Variants in MED27 observed in about 807,000 individuals in gnomAD.
The protein encoded by MED27 is mediator complex subunit 27.
MED27 carries 30 observed loss-of-function variants against 38.2 expected under a neutral mutation model. The observed-to-expected ratio is 0.79, with a 90% CI of 0.59 to 1.07. The LOEUF is 1.07. MED27 is among the 50% of genes least tolerant of loss of function. The pLI, the probability that MED27 is intolerant of heterozygous loss-of-function variation, is 0.00. For synonymous variants in MED27, 122 were observed against 153.5 expected (o/e 0.79, Z 1.52); for missense variants, 289 against 397.5 (o/e 0.73, Z 2.32).
rs545015724 is a variant in MED27, at chr9:132,050,349, A to G, written c.348+27093T>C. Among the ~76,000 whole-genome samples the G allele has an allele frequency of 2.4e-3, 358 of 152,280 alleles. 1 individual carries two copies. Among genetic ancestry groups the G allele is most frequent in the Non-Finnish European group, 4.2e-3 (286 of 68,016 alleles). ...CAACGTGCAGGGCCTCAGATGGGAG[A>G]TGAGGGGCGGTCCAGGTGCCGGGCT... On this transcript the variant is annotated intron_variant, in intron 2 of 7. Coordinates refer to ENST00000292035, the MANE Select transcript of MED27 (RefSeq NM_004269.4).
intron 4 of MED27, among the ~76,000 whole-genome samples, chr9:131,909,571 G>C (rs1830150845): frequency 6.6e-6 from 1 of 152,252 alleles, no homozygotes; most frequent in South Asian, 2.1e-4. Context: ...TGCCACAGCA[G>C]CACTGGCTTT....
Position 131,925,209 on chromosome 9 carries a change from A to T in MED27, c.573+14172T>A, listed in dbSNP as rs376417378. Among the ~76,000 whole-genome samples, 13 of 152,346 alleles carry T rather than the reference A, an allele frequency of 8.5e-5. No individual in the cohort carries two copies. In the South Asian group the frequency reaches 2.7e-3, roughly 32 times the overall value. ...CGGGTACTATGGAATACGAACAAGA[A>T]TGTTCTGAGCAGGACTGTTTATTTG... On this transcript the variant is annotated intron_variant, in intron 4 of 7. Coordinates refer to ENST00000292035, the MANE Select transcript of MED27 (RefSeq NM_004269.4).
chr9:131,911,320 ATGCTGG>A (rs1830183395), intron 4 of MED27, among the ~76,000 whole-genome samples: 1 of 152,202 alleles, frequency 6.6e-6, no homozygotes, highest in Admixed American at 6.5e-5. Context: ...CATTATCAGA[ATGCTGG>A]TGCTTCAGAT....
intron 4 of MED27, among the ~76,000 whole-genome samples, chr9:131,905,554 C>T (rs190577998): frequency 4.7e-4 from 71 of 152,146 alleles, no homozygotes; most frequent in African/African-American, 1.7e-3. Flanking sequence ...CTTCCAGGAC[C>T]AGGTACGGTG....
At position 132,073,866 on chromosome 9, in the gene MED27, C is replaced by T. The variant is rs188922617; in HGVS notation, c.348+3576G>A. 2,629 of 1,270,028 alleles carry T rather than the reference C, an allele frequency of 2.1e-3. 6 individuals are homozygous for T. The highest frequency in any genetic ancestry group is 2.3e-3 in the Non-Finnish European group (2,300 of 984,294). The allele number at this position is 1,270,028 out of a possible 1,614,324, so 78.7% of individuals were successfully genotyped here. On this transcript the variant is annotated intron_variant, in intron 2 of 7. Coordinates refer to ENST00000292035, the MANE Select transcript of MED27 (RefSeq NM_004269.4). ...GGGGTCTTTGCAGCTTCAGATGTTG[C>T]CAGGGAAAGGCGGACGTCTTAGTCT...
intron 2 of MED27, among the ~76,000 whole-genome samples, chr9:132,024,447 C>T (rs138536076): frequency 2.0e-3 from 297 of 152,264 alleles, no homozygotes; most frequent in Non-Finnish European, 3.4e-3. Flanking sequence ...AAGTGCCATA[C>T]CTAGAAATTC....
At chr9:131,991,964 GC>G (rs1159978253) in intron 3 of MED27, among the ~76,000 whole-genome samples, 2 of 152,048 alleles carry the variant, frequency 1.3e-5, no homozygotes, top group African/African-American at 4.8e-5. Context: ...CTCGTGATCT[GC>G]CTGCCTCAGC....
chr9:131,960,448 G>A (rs975850141), intron 3 of MED27, among the ~76,000 whole-genome samples: 1 of 152,198 alleles, frequency 6.6e-6, no homozygotes, highest in Non-Finnish European at 1.5e-5. Context: ...AGTGGGTACA[G>A]TTCAAGAGCT....
At chr9:131,958,181 C>T (rs4072764) in intron 3 of MED27, among the ~76,000 whole-genome samples, 85,011 of 151,624 alleles carry the variant, frequency 0.56, 24,725 homozygotes, top group African/African-American at 0.72. Context: ...AAAACATGCT[C>T]GGAACATGCA....
chr9:131,866,352 A>T (rs1000134799), intron 6 of MED27, among the ~76,000 whole-genome samples: 7 of 152,202 alleles, frequency 4.6e-5, no homozygotes, highest in African/African-American at 1.7e-4. Context: ...AATTACAGGA[A>T]CATCTCAAGT....
intron 6 of MED27, among the ~76,000 whole-genome samples, chr9:131,866,927 T>G (rs1050217436): frequency 2.0e-5 from 3 of 152,112 alleles, no homozygotes; most frequent in African/African-American, 7.2e-5. Context: ...CCCATCTCTG[T>G]CCTCCCTGAG....
At chr9:131,864,584 G>A (rs559937475) in intron 6 of MED27, among the ~76,000 whole-genome samples, 1 of 152,314 alleles carries the variant, frequency 6.6e-6, no homozygotes, top group South Asian at 2.1e-4. Flanking sequence ...TTGTGTAGAC[G>A]TGTTCATTTT....
chr9:132,052,538 A>G (rs916087737), intron 2 of MED27, among the ~76,000 whole-genome samples: 3 of 151,268 alleles, frequency 2.0e-5, no homozygotes, highest in Non-Finnish European at 2.9e-5. Context: ...CCACATTCCA[A>G]GTCAGCTGAA....
At chr9:131,963,818 A>AT (rs1166954185) in intron 3 of MED27, among the ~76,000 whole-genome samples, 2 of 152,180 alleles carry the variant, frequency 1.3e-5, no homozygotes, top group African/African-American at 4.8e-5. Flanking sequence ...TGTGCGCTGC[A>AT]TGTTTCCAAA....
chr9:131,885,718 C>G (rs946864499), intron 5 of MED27, among the ~76,000 whole-genome samples: 1 of 152,184 alleles, frequency 6.6e-6, no homozygotes, highest in Non-Finnish European at 1.5e-5. Flanking sequence ...TCTGTTTCAA[C>G]AAATCAATGC....
chr9:131,921,259 ACT>A (rs1162614503), intron 4 of MED27, among the ~76,000 whole-genome samples: 6 of 152,068 alleles, frequency 3.9e-5, no homozygotes, highest in Admixed American at 3.3e-4. Flanking sequence ...TCACATCTGC[ACT>A]CTCTCTGCAC....
intron 4 of MED27, among the ~76,000 whole-genome samples, chr9:131,915,963 C>G (rs1018414983): frequency 6.6e-6 from 1 of 152,210 alleles, no homozygotes; most frequent in African/African-American, 2.4e-5. Flanking sequence ...ATTCCTGTAA[C>G]TACATGTAGT....
intron 2 of MED27, among the ~76,000 whole-genome samples, chr9:132,030,681 G>A (rs910331042): frequency 7.2e-5 from 11 of 152,214 alleles, no homozygotes; most frequent in African/African-American, 2.4e-4. Context: ...AAATCAAAAT[G>A]TGCTTTTTGA....
At chr9:131,924,373 A>ATG (rs1004495488) in intron 4 of MED27, among the ~76,000 whole-genome samples, 12 of 152,148 alleles carry the variant, frequency 7.9e-5, no homozygotes, top group Non-Finnish European at 1.5e-4. Context: ...TCATATATAT[A>ATG]TTTAAAATTT....
Sources: gnomAD v4.1 joint callset for allele counts (sites outside exome capture counted in the v4.1 genomes callset) on GRCh38, gnomAD v4.1.1 for gene constraint, MANE v1.5 for transcripts, NCBI Gene and HGNC (gene_info 2026-07-23, HGNC 2026-07-21) for gene names.